Variants in NETO1 observed in about 807,000 individuals in gnomAD.
NETO1 encodes neuropilin and tolloid like 1.
In NETO1, 26 loss-of-function variants were observed where a neutral mutation model predicts 61.3. The ratio of observed to expected loss-of-function variants is 0.42; its 90% CI spans 0.31 to 0.59. The LOEUF is 0.59. Ranked by LOEUF, NETO1 falls within the 20% of genes least tolerant of loss-of-function variation. NETO1 has a pLI of 0.12. For synonymous variants in NETO1, 225 were observed against 225.8 expected, an observed-to-expected ratio of 1.00 and a Z score of 0.03; for missense variants, 531 against 662.8, an observed-to-expected ratio of 0.80 and a Z score of 2.18.
chr18:72,749,464 GT>G (rs1279484153), intron 9 of NETO1, among the ~76,000 whole-genome samples: 15 of 151,908 alleles, frequency 9.9e-5, no homozygotes, highest in Non-Finnish European at 1.5e-5. Flanking sequence ...TAAATCAAAT[GT>G]TTCTACTATT....
At chr18:72,807,901 A>C (rs1449963477) in intron 4 of NETO1, among the ~76,000 whole-genome samples, 2 of 152,142 alleles carry the variant, frequency 1.3e-5, no homozygotes, top group African/African-American at 4.8e-5. Flanking sequence ...GGTTATTAGC[A>C]ATATCCCTGC....
intron 4 of NETO1, among the ~76,000 whole-genome samples, chr18:72,857,594 T>A (rs950090818): frequency 2.6e-5 from 4 of 152,168 alleles, no homozygotes; most frequent in African/African-American, 9.6e-5. Context: ...TTCAAAATTA[T>A]CAGTTAAGAA....
chr18:72,754,436 A>T (rs555201126), intron 8 of NETO1, among the ~76,000 whole-genome samples: 1 of 152,264 alleles, frequency 6.6e-6, no homozygotes, highest in East Asian at 1.9e-4. Context: ...TGTCTACAAA[A>T]GAAACACTTT....
At chr18:72,799,832 T>G (rs866435860) in intron 4 of NETO1, among the ~76,000 whole-genome samples, 2 of 152,226 alleles carry the variant, frequency 1.3e-5, no homozygotes, top group Non-Finnish European at 2.9e-5. Flanking sequence ...TGTAGACAAA[T>G]AGTCTCCCTG....
intron 6 of NETO1, among the ~76,000 whole-genome samples, chr18:72,785,259 T>A (rs550008269): frequency 6.6e-6 from 1 of 152,306 alleles, no homozygotes; most frequent in African/African-American, 2.4e-5. Flanking sequence ...CCAGATCCAG[T>A]ACGTCTATCC....
At chr18:72,761,878 TTAAGAC>T (rs2070985949) in intron 7 of NETO1, among the ~76,000 whole-genome samples, 1 of 152,182 alleles carries the variant, frequency 6.6e-6, no homozygotes, top group Non-Finnish European at 1.5e-5. Flanking sequence ...GAGAGGACCT[TTAAGAC>T]TAAGAAATAT....
chr18:72,799,031 A>G (rs1408113694), intron 4 of NETO1, among the ~76,000 whole-genome samples: 1 of 152,226 alleles, frequency 6.6e-6, no homozygotes, highest in Non-Finnish European at 1.5e-5. Flanking sequence ...ATTGTTGAAA[A>G]CCATCACTTC....
At chr18:72,851,215 C>T (rs2074238576) in intron 4 of NETO1, among the ~76,000 whole-genome samples, 1 of 152,042 alleles carries the variant, frequency 6.6e-6, no homozygotes, top group African/African-American at 2.4e-5. Flanking sequence ...AGTTCGAGAC[C>T]AGCCTGATCA....
Position 72,862,051 on chromosome 18 carries a change from C to T in NETO1, c.220+2757G>A, listed in dbSNP as rs528321659. Among the ~76,000 whole-genome samples the T allele has an allele frequency of 8.5e-5, 13 of 152,310 alleles. No individual in the cohort carries two copies. In the East Asian group the frequency reaches 2.5e-3, roughly 29 times the overall value. On this transcript the variant is annotated intron_variant, in intron 3 of 10. Transcript: ENST00000327305. ...CCTCCTGCCTAACTCTCTGGCTTCT[C>T]CTACTCATTCCATTACTTTTTTCCC...
intron 7 of NETO1, among the ~76,000 whole-genome samples, chr18:72,760,260 A>G (rs563098808): frequency 1.3e-5 from 2 of 152,326 alleles, no homozygotes; most frequent in Non-Finnish European, 2.9e-5. Context: ...GCACTCACCT[A>G]GAAAGTAGAC....
chr18:72,773,125 C>T (rs966581645), intron 7 of NETO1, among the ~76,000 whole-genome samples: 4 of 151,816 alleles, frequency 2.6e-5, no homozygotes, highest in Admixed American at 6.6e-5. Flanking sequence ...GGGATTCCCC[C>T]CTCTCCCAGT....
chr18:72,841,630 A>G (rs1344313489), intron 4 of NETO1, among the ~76,000 whole-genome samples: 3 of 143,872 alleles, frequency 2.1e-5, no homozygotes, highest in African/African-American at 7.7e-5. Context: ...GCTACTCAGG[A>G]GGCTGAGGCA....
chr18:72,835,407 T>C, intron 4 of NETO1: 1 of 1,100,052 alleles, frequency 9.1e-7, no homozygotes, highest in Non-Finnish European at 1.3e-6. Flanking sequence ...AACAGCTGTT[T>C]GGGTAATACA....
intron 4 of NETO1, among the ~76,000 whole-genome samples, chr18:72,808,938 C>A (rs146581551): frequency 2.6e-5 from 4 of 152,318 alleles, no homozygotes; most frequent in Admixed American, 6.5e-5. Context: ...GAGCCTGGCA[C>A]GGGTGCATGC....
At chr18:72,852,397 A>G (rs2074278096) in intron 4 of NETO1, among the ~76,000 whole-genome samples, 1 of 152,128 alleles carries the variant, frequency 6.6e-6, no homozygotes, top group Admixed American at 6.5e-5. Flanking sequence ...CTGTATTTTT[A>G]GTAGAGACAG....
chr18:72,859,408 C>G (rs2074501647), intron 3 of NETO1, among the ~76,000 whole-genome samples: 1 of 152,140 alleles, frequency 6.6e-6, no homozygotes, highest in South Asian at 2.1e-4. Context: ...TTTTCTGTCT[C>G]TTTTCTCATA....
chr18:72,820,330 T>C (rs2073152425), intron 4 of NETO1, among the ~76,000 whole-genome samples: 1 of 152,220 alleles, frequency 6.6e-6, no homozygotes, highest in African/African-American at 2.4e-5. Context: ...GTAGAGCAAT[T>C]AAACGAAGAG....
At chr18:72,811,496 T>A (rs1483122688) in intron 4 of NETO1, among the ~76,000 whole-genome samples, 1 of 152,208 alleles carries the variant, frequency 6.6e-6, no homozygotes. Context: ...TGATTAAAAA[T>A]TTTTACAGAC....
intron 8 of NETO1, among the ~76,000 whole-genome samples, chr18:72,755,688 T>A (rs2070759764): frequency 6.6e-6 from 1 of 152,024 alleles, no homozygotes; most frequent in African/African-American, 2.4e-5. Context: ...CAAACTGGAA[T>A]GAATGAGACG....
Sources: gnomAD v4.1 joint callset for allele counts (sites outside exome capture counted in the v4.1 genomes callset) on GRCh38, gnomAD v4.1.1 for gene constraint, MANE v1.5 for transcripts, NCBI Gene and HGNC (gene_info 2026-07-23, HGNC 2026-07-21) for gene names.